The following PTPRE variants were observed in gnomAD, a reference collection of about 807,000 sequenced individuals.
PTPRE encodes protein tyrosine phosphatase receptor type E.
PTPRE carries 51 observed loss-of-function variants against 102.0 expected under a neutral mutation model. That is an observed-to-expected ratio of 0.50 (90% CI 0.40 to 0.63). The LOEUF is 0.63. PTPRE is among the 30% of genes least tolerant of loss of function. PTPRE has a pLI of 0.00. For missense variants in PTPRE, 752 were observed against 915.1 expected (o/e 0.82, Z 2.30); for synonymous variants, 345 against 348.2 (o/e 0.99, Z 0.10).
At chr10:127,938,613 A>G (rs779741573) in intron 1 of PTPRE, among the ~76,000 whole-genome samples, 1 of 152,192 alleles carries the variant, frequency 6.6e-6, no homozygotes, top group Non-Finnish European at 1.5e-5. Context: ...TATTTTCTTC[A>G]ATTCAAAACA....
At chr10:127,913,733 C>G (rs1460496058) in intron 1 of PTPRE, among the ~76,000 whole-genome samples, 1 of 152,162 alleles carries the variant, frequency 6.6e-6, no homozygotes, top group Non-Finnish European at 1.5e-5. Flanking sequence ...CAGGCAGGTT[C>G]CCGGTGAAAC....
chr10:128,046,561 G>A (rs1848105606), intron 3 of PTPRE, among the ~76,000 whole-genome samples: 1 of 152,308 alleles, frequency 6.6e-6, no homozygotes, highest in East Asian at 1.9e-4. Flanking sequence ...TGGGCTTCTT[G>A]GAGGTGGGGG....
rs776042805 is a variant in PTPRE, at chr10:128,061,686, A to C, written c.596A>C (p.Lys199Thr). ...YINASYIDGY[K>T]EKNKFIAAQG... The stretch of plus-strand genomic sequence containing the variant: ...TGATGTTATTTTTTCTAGGGTTACA[A>C]AGAGAAGAATAAATTCATAGCAGCT... Residue 199 changes from lysine (K) to threonine (T), a missense_variant, in exon 9 of 21, where the codon AAA becomes ACA. Physicochemically the swap from Lys to Thr is moderately conservative, Grantham distance 78. This residue lies in a region of PTPRE where 636 missense variants were observed against 824.4 expected (regional missense o/e 0.77). Transcript: ENST00000254667. 7 of 1,582,002 alleles carry C rather than the reference A, an allele frequency of 4.4e-6. No individual in the cohort carries two copies. In the South Asian group the frequency reaches 8.0e-5, roughly 18 times the overall value.
intron 2 of PTPRE, among the ~76,000 whole-genome samples, chr10:128,033,526 A>T (rs1394011391): frequency 6.6e-6 from 1 of 152,260 alleles, no homozygotes; most frequent in African/African-American, 2.4e-5. Context: ...AAGAGTCAGC[A>T]TCATGATAAA....
At chr10:128,022,580 G>C (rs1845987449) in intron 2 of PTPRE, among the ~76,000 whole-genome samples, 2 of 152,222 alleles carry the variant, frequency 1.3e-5, no homozygotes, top group African/African-American at 4.8e-5. Flanking sequence ...TGGTGCTGCT[G>C]CTCTGGACTC....
chr10:128,055,344 C>T (rs1848862386), intron 6 of PTPRE, among the ~76,000 whole-genome samples: 1 of 152,170 alleles, frequency 6.6e-6, no homozygotes, highest in African/African-American at 2.4e-5. Context: ...AGAATGCAGG[C>T]CACCAGAGTT....
chr10:127,927,858 C>T (rs913353243), intron 1 of PTPRE, among the ~76,000 whole-genome samples: 8 of 152,106 alleles, frequency 5.3e-5, no homozygotes. Flanking sequence ...TTACCTGGTG[C>T]GTTTTAATGA....
intron 1 of PTPRE, among the ~76,000 whole-genome samples, chr10:127,928,977 A>T (rs1003410535): frequency 6.6e-6 from 1 of 152,240 alleles, no homozygotes; most frequent in Non-Finnish European, 1.5e-5. Flanking sequence ...TAACAGCTTT[A>T]TGTATTCAAT....
At position 128,085,298 on chromosome 10, in the gene PTPRE, C is replaced by T. The variant is rs1482847928; in HGVS notation, c.*2392C>T. The T allele has an allele frequency of 1.3e-5, 4 of 315,470 alleles. No homozygotes were observed. Among genetic ancestry groups the T allele is most frequent in the Non-Finnish European group, 2.6e-5 (4 of 155,052 alleles). 19.5% of individuals were successfully genotyped at this position (315,470 alleles called of 1,614,324 possible). A position where few individuals can be genotyped will look rare whatever the true frequency, so the allele number is the denominator to read the frequency against. On this transcript the variant is annotated 3_prime_UTR_variant, in exon 21 of 21. Transcript: ENST00000254667. ...TGGAAAGTTCATCTCTTGTTTCCTT[C>T]AGTCAAAGAAAGTCCATTGTACATA...
chr10:127,947,426 C>A (rs920719831), intron 1 of PTPRE, among the ~76,000 whole-genome samples: 1 of 151,482 alleles, frequency 6.6e-6, no homozygotes, highest in Non-Finnish European at 1.5e-5. Context: ...GAGGCCCATT[C>A]TCCCCTATGC....
intron 2 of PTPRE, among the ~76,000 whole-genome samples, chr10:128,009,036 G>A (rs868056367): frequency 3.9e-5 from 6 of 152,270 alleles, no homozygotes; most frequent in Middle Eastern, 3.4e-3. Flanking sequence ...CTGGAGGCCC[G>A]GCCAGCTACA....
rs553659254 is a variant in PTPRE at position 127,935,844 on chromosome 10, G to A, written c.-31+28535G>A. 2.0e-5 allele frequency: 3 copies of A among 152,346 alleles called. No individual in the cohort carries two copies. The South Asian group carries it at 6.2e-4, about 32-fold the overall frequency. The allele number at this position is 152,346 out of a possible 1,614,324, so 9.4% of individuals were successfully genotyped here. A position where few individuals can be genotyped will look rare whatever the true frequency, so the allele number is the denominator to read the frequency against. ...AAGCTTCCGGAAGGGGTGATGCAAA[G>A]GGGTCAAACATTTAGACTACGCCTC... On this transcript the variant is annotated intron_variant, in intron 1 of 20. Coordinates refer to ENST00000254667, the MANE Select transcript of PTPRE (RefSeq NM_006504.6).
chr10:127,961,334 G>A (rs1348698986), intron 1 of PTPRE, among the ~76,000 whole-genome samples: 1 of 152,180 alleles, frequency 6.6e-6, no homozygotes, highest in Non-Finnish European at 1.5e-5. Context: ...GATGAGAACA[G>A]TGTGGGCTTG....
At chr10:128,016,227 A>G (rs879613210) in intron 2 of PTPRE, among the ~76,000 whole-genome samples, 8 of 152,230 alleles carry the variant, frequency 5.3e-5, no homozygotes, top group Non-Finnish European at 1.2e-4. Flanking sequence ...AACTCTATGT[A>G]ATTACAGCTT....
intron 4 of PTPRE, 34 bp from the exon 5 acceptor site, chr10:128,047,730 A>T: frequency 2.5e-6 from 4 of 1,613,696 alleles, no homozygotes; most frequent in Non-Finnish European, 3.4e-6. Flanking sequence ...GGAACCTAGA[A>T]GTGTGGAAAC....
At chr10:127,998,136 C>A (rs1853464017) in intron 2 of PTPRE, 1 of 152,238 alleles carries the variant, frequency 6.6e-6, no homozygotes, top group Non-Finnish European at 1.5e-5. Flanking sequence ...ATCTCAAATC[C>A]TGTTGCAGTC....
chr10:127,948,225 T>C (rs1268103322), intron 1 of PTPRE, among the ~76,000 whole-genome samples: 1 of 151,256 alleles, frequency 6.6e-6, no homozygotes, highest in Non-Finnish European at 1.5e-5. Context: ...ACCCCCTCCT[T>C]TTTTTTTGTT....
At chr10:127,960,147 C>T (rs905642687) in intron 1 of PTPRE, among the ~76,000 whole-genome samples, 6 of 152,072 alleles carry the variant, frequency 3.9e-5, no homozygotes, top group Non-Finnish European at 8.8e-5. Context: ...TGCTGGCATG[C>T]GGGTGCCCCA....
chr10:128,053,471 A>T (rs1055161237), intron 6 of PTPRE, among the ~76,000 whole-genome samples: 2 of 152,180 alleles, frequency 1.3e-5, no homozygotes, highest in Admixed American at 1.3e-4. Flanking sequence ...TGAGCAGCTC[A>T]GAGATTTGAG....
Sources: gnomAD v4.1 joint callset for allele counts (sites outside exome capture counted in the v4.1 genomes callset) on GRCh38, gnomAD v4.1.1 for gene constraint, gnomAD v4.1.1 regional missense constraint, MANE v1.5 for transcripts, NCBI Gene and HGNC (gene_info 2026-07-23, HGNC 2026-07-21) for gene names.